ZNF414: variants seen among roughly 807,000 people sequenced by gnomAD.
ZNF414 encodes zinc finger protein 414.
A neutral mutation model predicts 38.3 loss-of-function variants in ZNF414; 32 were observed. The observed-to-expected ratio is 0.83, with a 90% CI of 0.63 to 1.12. The LOEUF is 1.12. Ranked by LOEUF, ZNF414 falls within the 50% of genes most tolerant of loss-of-function variation. The probability of loss-of-function intolerance (pLI) is 0.00; values close to 1 mark genes in which losing one functional copy is unlikely to be tolerated. For synonymous variants in ZNF414, 256 were observed against 248.0 expected, an observed-to-expected ratio of 1.03 and a Z score of -0.30; for missense variants, 589 against 557.4, an observed-to-expected ratio of 1.06 and a Z score of -0.57.
intron 4 of ZNF414, 98 bp downstream of exon 4, chr19:8,512,289 C>T: frequency 1.3e-6 from 2 of 1,523,740 alleles, no homozygotes; most frequent in Admixed American, 1.8e-5. Context: ...ACATCAAGTC[C>T]CGCCCTCCAA....
In ZNF414 at chr19:8,510,950, TGGA is replaced by T; in HGVS notation, c.997_999del (p.Ser333del). ...AGGGTCATGGCGGGCCGCGAGGCCG[TGGA>T]GAAGGCGCACTGCATGCACGAGTAG... On this transcript the variant is annotated inframe_deletion, in exon 7 of 8. Coordinates refer to ENST00000393927, the MANE Select transcript of ZNF414 (RefSeq NM_001146175.2). 8.0e-7 allele frequency: 1 copy of T among 1,246,356 alleles called. No individual in the cohort carries two copies. Among genetic ancestry groups the T allele is most frequent in the Non-Finnish European group, 1.0e-6 (1 of 993,956 alleles). The allele number at this position is 1,246,356 out of a possible 1,614,324, so 77.2% of individuals were successfully genotyped here. A position where few individuals can be genotyped will look rare whatever the true frequency, so the allele number is the denominator to read the frequency against.
chr19:8,510,896 G>A lies in ZNF414; in HGVS notation c.1054C>T (p.Pro352Ser), dbSNP rs993166225. 2 of 1,162,112 alleles carry A rather than the reference G, an allele frequency of 1.7e-6. No homozygotes were observed. The highest frequency in any genetic ancestry group is 4.0e-5 in the East Asian group (1 of 24,998). The allele number at this position is 1,162,112 out of a possible 1,614,324, so 72.0% of individuals were successfully genotyped here. A position where few individuals can be genotyped will look rare whatever the true frequency, so the allele number is the denominator to read the frequency against. ...GGCGGCCCGGCCGCGGGGGCCGCGG[G>A]GGCGCCGGGGCGGTGGTCCTCCAGG... ...LHLEDHRPGA[P>S]AAPAAGPPRP... Residue 352 changes from proline (P) to serine (S), a missense_variant, in exon 7 of 8, where the codon CCC becomes TCC. Coordinates refer to ENST00000393927, the MANE Select transcript of ZNF414 (RefSeq NM_001146175.2).
chr19:8,511,118 CT>C lies in ZNF414; in HGVS notation c.926-95del, dbSNP rs1384358979. 4 of 1,276,972 alleles carry C rather than the reference CT, an allele frequency of 3.1e-6. No homozygotes were observed. The African/African-American group carries it at 4.7e-5, about 15-fold the overall frequency. 79.1% of individuals were successfully genotyped at this position (1,276,972 alleles called of 1,614,324 possible). A position where few individuals can be genotyped will look rare whatever the true frequency, so the allele number is the denominator to read the frequency against. On this transcript the variant is annotated intron_variant, in intron 6 of 7. Coordinates refer to ENST00000393927, the MANE Select transcript of ZNF414 (RefSeq NM_001146175.2). ...AGGACGCCGGCGAGGGTGGGTGGGACTTTTTCCCGCCCCCCATCAGCTTCCG... is the reference window on the plus strand; with the variant it reads ...AGGACGCCGGCGAGGGTGGGTGGGACTTTTCCCGCCCCCCATCAGCTTCCG...
At chr19:8,512,036 G>A (rs2145807211) in intron 4 of ZNF414, 76 bp from the exon 5 acceptor site, 3 of 1,390,798 alleles carry the variant, frequency 2.2e-6, no homozygotes, top group Middle Eastern at 2.7e-4. Context: ...AATGCCACCC[G>A]CCCTTCGAGC....
intron 4 of ZNF414, 125 bp downstream of exon 4, chr19:8,512,262 T>C: frequency 6.8e-7 from 1 of 1,464,210 alleles, no homozygotes; most frequent in Non-Finnish European, 9.2e-7. Context: ...GGGCGGGGCT[T>C]CCCCAAAGGC....
chr19:8,511,275 G>A, intron 6 of ZNF414: 1 of 1,402,648 alleles, frequency 7.1e-7, no homozygotes, highest in Non-Finnish European at 9.2e-7. Context: ...GGTGAACGGT[G>A]AAAGGGGCGC....
At position 8,510,835 on chromosome 19, in the gene ZNF414, C is replaced by A. The variant is rs2145805784; in HGVS notation, c.1099+16G>T. 1 of 1,393,508 alleles carries A rather than the reference C, an allele frequency of 7.2e-7. No individual in the cohort carries two copies. The highest frequency in any genetic ancestry group is 3.1e-5 in the East Asian group (1 of 31,964). The allele number at this position is 1,393,508 out of a possible 1,614,324, so 86.3% of individuals were successfully genotyped here. On this transcript the variant is annotated intron_variant, in intron 7 of 7. Transcript: ENST00000393927. ...GCCCCCGCCCCCCTCTCCACCCGCG[C>A]ATTCCTCGGCCTTACCCGCGGGGGC...
chr19:8,511,506 C>A lies in ZNF414; in HGVS notation c.905G>T (p.Gly302Val), dbSNP rs750287687. 1 of 1,607,636 alleles carries A rather than the reference C, an allele frequency of 6.2e-7. No homozygotes were observed. The highest frequency in any genetic ancestry group is 8.5e-7 in the Non-Finnish European group (1 of 1,177,540). Reference sequence around the variant, plus strand: ...CGCACCTGAGGGCGCGTCGGAGCCGCCCTGGGGTCTTCGGGGGCTGCTGCC... The same window carrying A: ...CGCACCTGAGGGCGCGTCGGAGCCGACCTGGGGTCTTCGGGGGCTGCTGCC... Reference protein sequence around the residue: ...GAGSSPRRPQGGSDAPSGHAA... With the variant: ...GAGSSPRRPQVGSDAPSGHAA... Residue 302 changes from glycine to valine, a missense_variant, in exon 6 of 8, where the codon GGC becomes GTC. Gly to Val is a moderately radical substitution (Grantham distance 109, BLOSUM62 -3). Coordinates refer to ENST00000393927, the MANE Select transcript of ZNF414 (RefSeq NM_001146175.2).
chr19:8,511,880 C>G lies in ZNF414; in HGVS notation c.611G>C (p.Ser204Thr). ...HLHVCAEHAQ[S>T]PAPPPPPALD... ...GGCCGGGGGTGGCGGCGGGGCTGGG[C>G]TCTGCGCATGCTCCGCGCAAACATG... The change falls in exon 5 of 8, where the codon AGC becomes ACC. Residue 204 changes from serine (S) to threonine (T), a missense_variant. Physicochemically the swap from Ser to Thr is moderately conservative, Grantham distance 58. Transcript: ENST00000393927. 3 of 1,409,226 alleles carry G rather than the reference C, an allele frequency of 2.1e-6. No homozygotes were observed. The highest frequency in any genetic ancestry group is 2.8e-6 in the Non-Finnish European group (3 of 1,090,036). The allele number at this position is 1,409,226 out of a possible 1,614,324, so 87.3% of individuals were successfully genotyped here. A position where few individuals can be genotyped will look rare whatever the true frequency, so the allele number is the denominator to read the frequency against.
chr19:8,512,434 C>G lies in ZNF414; in HGVS notation c.483G>C (p.Glu161Asp). ...AGTGCAGTTTGCTGTGAGCCACCAG[C>G]TCCTGCATGCTGGGGAAGGTCTCGG... ...SCTETFPSMQ[E>D]LVAHSKLHYK... is the part of the protein sequence containing the mutation. The change falls in exon 4 of 8, where the codon GAG becomes GAC. Residue 161 changes from glutamate (E) to aspartate (D), a missense_variant. Transcript: ENST00000393927. 6.2e-7 allele frequency: 1 copy of G among 1,614,136 alleles called. No homozygotes were observed. The highest frequency in any genetic ancestry group is 8.5e-7 in the Non-Finnish European group (1 of 1,180,020).
rs1212717064 is a variant in ZNF414, at chr19:8,510,673, C to T, written c.*18G>A. On this transcript the variant is annotated 3_prime_UTR_variant, in exon 8 of 8. Coordinates refer to ENST00000393927, the MANE Select transcript of ZNF414 (RefSeq NM_001146175.2). ...AAAACTACCCACATCCCATGGCCCACCCCCAAAGCGGCGGGATTCAGAGCT... is the reference window on the plus strand; with the variant it reads ...AAAACTACCCACATCCCATGGCCCATCCCCAAAGCGGCGGGATTCAGAGCT... 2 of 1,539,144 alleles carry T rather than the reference C, an allele frequency of 1.3e-6. No homozygotes were observed. The highest frequency in any genetic ancestry group is 2.0e-5 in the Admixed American group (1 of 50,184).
chr19:8,511,268 G>C (rs1971909015), intron 6 of ZNF414: 1 of 1,398,214 alleles, frequency 7.2e-7, no homozygotes, highest in Non-Finnish European at 9.3e-7. Context: ...GCTCCGAGGT[G>C]AACGGTGAAA....
chr19:8,511,781 G>A lies in ZNF414; in HGVS notation c.710C>T (p.Pro237Leu). ...GGGGGTCGTGAAGGGTTCCAGCAGC[G>A]GGAACGGCAGGCCCGGCGCTGATGC... ...DPASAPGLPF[P>L]LLEPFTTPAP... The change falls in exon 5 of 8, where the codon CCG becomes CTG. Residue 237 changes from proline to leucine, a missense_variant. Coordinates refer to ENST00000393927, the MANE Select transcript of ZNF414 (RefSeq NM_001146175.2). 3 of 1,421,616 alleles carry A rather than the reference G, an allele frequency of 2.1e-6. No individual in the cohort carries two copies. The highest frequency in any genetic ancestry group is 6.2e-5 in the Admixed American group (2 of 32,248). The allele number at this position is 1,421,616 out of a possible 1,614,324, so 88.1% of individuals were successfully genotyped here.
chr19:8,513,153 C>T lies in ZNF414; in HGVS notation c.192G>A (p.Met64Ile). ...CTGGGGCTGGGGAGGAGCCCTGCTG[C>T]ATCCCTCCAGCCCCTCCACGTTCCC... ...PVWERGGAGG[M>I]QQGSSPAPDS... is the part of the protein sequence containing the mutation. The change falls in exon 2 of 8, where the codon ATG (methionine) becomes ATA (isoleucine). Residue 64 changes from methionine to isoleucine, a missense_variant. By Grantham distance (10) the Met-to-Ile change is conservative. Transcript: ENST00000393927. The T allele has an allele frequency of 6.5e-7, 1 of 1,545,952 alleles. No individual in the cohort carries two copies. Among genetic ancestry groups the T allele is most frequent in the Non-Finnish European group, 8.7e-7 (1 of 1,149,936 alleles).
At chr19:8,510,797 C>T in intron 7 of ZNF414, 33 bp from the exon 8 acceptor site, 4 of 1,521,598 alleles carry the variant, frequency 2.6e-6, no homozygotes, top group Non-Finnish European at 3.5e-6. Flanking sequence ...GCGCCTGAGC[C>T]TCAGCGCCTT....
Position 8,512,726 on chromosome 19 carries a change from G to A in ZNF414, c.317-15C>T. The A allele has an allele frequency of 3.3e-6, 5 of 1,493,104 alleles. No individual in the cohort carries two copies. The highest frequency in any genetic ancestry group is 3.6e-6 in the Non-Finnish European group (4 of 1,119,460). 92.5% of individuals were successfully genotyped at this position (1,493,104 alleles called of 1,614,324 possible). On this transcript the variant is annotated splice_polypyrimidine_tract_variant and intron_variant, in intron 2 of 7. Coordinates refer to ENST00000393927, the MANE Select transcript of ZNF414 (RefSeq NM_001146175.2). The stretch of plus-strand genomic sequence containing the variant: ...GATTTGCTTCCCTGCAGGACGCACA[G>A]AACAGTGGTCACTGGTCCCTTCCTC...
Position 8,510,979 on chromosome 19 carries a change from C to A in ZNF414, c.971G>T (p.Arg324Leu), listed in dbSNP as rs1337109098. Residue 324 changes from arginine to leucine, a missense_variant, in exon 7 of 8, where the codon CGC (arginine) becomes CTC (leucine). Arg to Leu is a moderately radical substitution (Grantham distance 102). Coordinates refer to ENST00000393927, the MANE Select transcript of ZNF414 (RefSeq NM_001146175.2). ...SRIVWEHTRG[R>L]YSCMQCAFST... ...GAAGGCGCACTGCATGCACGAGTAG[C>A]GGCCGCGTGTGTGCTCCCACACGAT... 7.9e-7 allele frequency: 1 copy of A among 1,267,840 alleles called. No individual in the cohort carries two copies. The highest frequency in any genetic ancestry group is 2.8e-5 in the South Asian group (1 of 35,362). 78.5% of individuals were successfully genotyped at this position (1,267,840 alleles called of 1,614,324 possible). A position where few individuals can be genotyped will look rare whatever the true frequency, so the allele number is the denominator to read the frequency against.
At position 8,511,720 on chromosome 19, in the gene ZNF414, C is replaced by T; in HGVS notation, c.771G>A (p.Leu257=). 1 of 1,482,292 alleles carries T rather than the reference C, an allele frequency of 6.7e-7. No individual in the cohort carries two copies. Among genetic ancestry groups the T allele is most frequent in the Non-Finnish European group, 8.9e-7 (1 of 1,122,282 alleles). 91.8% of individuals were successfully genotyped at this position (1,482,292 alleles called of 1,614,324 possible). The change falls in exon 5 of 8, where the codon TTG becomes TTA. Residue 257 remains leucine (L), a synonymous_variant. Transcript: ENST00000393927. ...GGCTTAGGCCAAAGGGCGCAGGGTT[C>T]AAGTAGGGCAGGAACGGTCCGGTGG... ...PAPTGPFLPY[L]NPAPFGLSPP...
In ZNF414 at chr19:8,511,498, C is replaced by G; in HGVS notation, c.913G>C (p.Asp305His). 1 of 1,610,128 alleles carries G rather than the reference C, an allele frequency of 6.2e-7. No homozygotes were observed. The highest frequency in any genetic ancestry group is 8.5e-7 in the Non-Finnish European group (1 of 1,178,624). The change falls in exon 6 of 8, where the codon GAC (aspartate) becomes CAC (histidine). Residue 305 changes from aspartate to histidine, a missense_variant. Coordinates refer to ENST00000393927, the MANE Select transcript of ZNF414 (RefSeq NM_001146175.2). ...SSPRRPQGGS[D>H]APSGHAAPSR... ...CACCTGCACGCACCTGAGGGCGCGT[C>G]GGAGCCGCCCTGGGGTCTTCGGGGG...
Sources: allele counts gnomAD v4.1 joint callset, GRCh38; gene constraint gnomAD v4.1.1; transcripts MANE v1.5; gene names NCBI Gene and HGNC (gene_info 2026-07-23, HGNC 2026-07-21).